Variants in ENOX1 observed in about 807,000 individuals in gnomAD.
The protein encoded by ENOX1 is candidate growth-related and time keeping constitutive hydroquinone (NADH) oxidase.
A neutral mutation model predicts 82.5 loss-of-function variants in ENOX1; 42 were observed. The ratio of observed to expected loss-of-function variants is 0.51; its 90% CI spans 0.40 to 0.66. ENOX1 has a LOEUF of 0.66. ENOX1 is among the 30% of genes least tolerant of loss of function. The pLI is 0.00. For synonymous variants in ENOX1, 271 were observed against 282.2 expected (o/e 0.96, Z 0.40); for missense variants, 608 against 811.6 (o/e 0.75, Z 3.05).
At chr13:43,300,252 G>A (rs2046498255) in intron 11 of ENOX1, among the ~76,000 whole-genome samples, 1 of 152,076 alleles carries the variant, frequency 6.6e-6, no homozygotes, top group African/African-American at 2.4e-5. Context: ...TTCTCTCAAA[G>A]AGCTTAATCT....
chr13:43,480,247 A>G (rs2058458154), intron 3 of ENOX1, among the ~76,000 whole-genome samples: 1 of 152,066 alleles, frequency 6.6e-6, no homozygotes, highest in Non-Finnish European at 1.5e-5. Context: ...CTGGTTACTA[A>G]ACATTCTAAA....
intron 3 of ENOX1, among the ~76,000 whole-genome samples, chr13:43,464,533 A>G (rs554403181): frequency 1.2e-4 from 18 of 152,144 alleles, no homozygotes; most frequent in Non-Finnish European, 1.0e-4. Context: ...GAGCTTTGCC[A>G]ATATCTGTTT....
chr13:43,763,164 G>T (rs1056006979), intron 1 of ENOX1, among the ~76,000 whole-genome samples: 5 of 152,194 alleles, frequency 3.3e-5, no homozygotes, highest in Admixed American at 1.3e-4. Flanking sequence ...GTTAGGCCTT[G>T]TCTATGTCTG....
At chr13:43,496,539 T>G (rs2076799844) in intron 2 of ENOX1, among the ~76,000 whole-genome samples, 1 of 151,992 alleles carries the variant, frequency 6.6e-6, no homozygotes, top group Admixed American at 6.6e-5. Flanking sequence ...TGCACCACCA[T>G]GCTCAGCTAC....
At chr13:43,633,250 T>C (rs995164391) in intron 2 of ENOX1, among the ~76,000 whole-genome samples, 25 of 152,194 alleles carry the variant, frequency 1.6e-4, no homozygotes, top group African/African-American at 6.0e-4. Context: ...ATGTTCAATG[T>C]TGATATAAAT....
At chr13:43,350,606 C>T (rs1423959147) in intron 8 of ENOX1, among the ~76,000 whole-genome samples, 5 of 152,118 alleles carry the variant, frequency 3.3e-5, no homozygotes, top group Non-Finnish European at 5.9e-5. Flanking sequence ...CCACCAGGCC[C>T]GGCTAATTTT....
intron 1 of ENOX1, among the ~76,000 whole-genome samples, chr13:43,752,553 T>C (rs1449107803): frequency 6.6e-6 from 1 of 152,240 alleles, no homozygotes. Context: ...TTTTTGTATA[T>C]ATTATAAAAT....
intron 9 of ENOX1, among the ~76,000 whole-genome samples, chr13:43,339,007 C>A (rs1443349311): frequency 6.6e-6 from 1 of 152,064 alleles, no homozygotes; most frequent in African/African-American, 2.4e-5. Context: ...TAATTACAGC[C>A]CCCTGACACT....
intron 1 of ENOX1, among the ~76,000 whole-genome samples, chr13:43,695,500 T>C (rs967035684): frequency 6.8e-6 from 1 of 146,562 alleles, no homozygotes; most frequent in Non-Finnish European, 1.5e-5. Context: ...CAGGCTGAAG[T>C]GCAGTGGCGT....
At chr13:43,592,716 T>C (rs1462866094) in intron 2 of ENOX1, among the ~76,000 whole-genome samples, 1 of 152,182 alleles carries the variant, frequency 6.6e-6, no homozygotes, top group African/African-American at 2.4e-5. Context: ...GCTATATGAT[T>C]CAACTAAGCC....
At chr13:43,468,821 C>T (rs140790600) in intron 3 of ENOX1, among the ~76,000 whole-genome samples, 1 of 152,234 alleles carries the variant, frequency 6.6e-6, no homozygotes, top group East Asian at 1.9e-4. Flanking sequence ...GCATGTCTTA[C>T]ACTGCTTTTG....
intron 2 of ENOX1, among the ~76,000 whole-genome samples, chr13:43,622,180 C>G (rs1182233209): frequency 6.6e-6 from 1 of 152,192 alleles, no homozygotes; most frequent in Non-Finnish European, 1.5e-5. Flanking sequence ...TTGCATTGGG[C>G]TTCACCTTTC....
chr13:43,665,045 C>A lies in ENOX1; in HGVS notation c.-219+2434G>T, dbSNP rs145463728. ...GTAAATGATTCCACCTTCCTGGAGG[C>A]CTGGGCCTGACCCACACAGTCAATC... On this transcript the variant is annotated intron_variant, in intron 2 of 16. Transcript: ENST00000690772. Among the ~76,000 whole-genome samples the A allele has an allele frequency of 7.6e-3, 1,152 of 152,260 alleles. 5 individuals are homozygous for A. The highest frequency in any genetic ancestry group is 0.011 in the Non-Finnish European group (734 of 68,006).
At chr13:43,777,486 T>C (rs1951983863) in intron 1 of ENOX1, among the ~76,000 whole-genome samples, 2 of 152,168 alleles carry the variant, frequency 1.3e-5, no homozygotes, top group African/African-American at 4.8e-5. Context: ...CTGTACACTA[T>C]AGTTTTATAA....
At chr13:43,759,097 C>CTTTTTT (rs3044251) in intron 1 of ENOX1, among the ~76,000 whole-genome samples, 5 of 122,442 alleles carry the variant, frequency 4.1e-5, no homozygotes, top group Non-Finnish European at 4.8e-5. Context: ...TGATAAGTTT[C>CTTTTTT]TTTTTTTTTT....
intron 14 of ENOX1, among the ~76,000 whole-genome samples, chr13:43,257,792 T>C (rs542471743): frequency 1.3e-5 from 2 of 152,340 alleles, no homozygotes; most frequent in South Asian, 4.1e-4. Flanking sequence ...ATCATGAACC[T>C]TTCTGGGGGA....
rs570749400 is a variant in ENOX1, at chr13:43,706,074, A to C, written c.-284-38530T>G. On this transcript the variant is annotated intron_variant, in intron 1 of 16. Coordinates refer to ENST00000690772, the MANE Select transcript of ENOX1 (RefSeq NM_001347969.2). ...AATCCATGGGTACAAAGAAATCATA[A>C]GTGAAATTAGAAAATATTTAGAACT... 1.6e-4 allele frequency among the ~76,000 whole-genome samples: 24 copies of C among 152,180 alleles called. No homozygotes were observed. The South Asian group carries it at 2.9e-3, about 18-fold the overall frequency.
At chr13:43,402,523 GCA>G (rs1365214206) in intron 5 of ENOX1, among the ~76,000 whole-genome samples, 1 of 152,216 alleles carries the variant, frequency 6.6e-6, no homozygotes, top group Non-Finnish European at 1.5e-5. Flanking sequence ...AAGAAGTCCA[GCA>G]CAGTCTGTTA....
At chr13:43,509,562 C>T (rs148196657) in intron 2 of ENOX1, among the ~76,000 whole-genome samples, 57 of 152,102 alleles carry the variant, frequency 3.7e-4, no homozygotes, top group African/African-American at 1.2e-3. Context: ...TGATGTAGCA[C>T]GAACTGGACT....
Sources: allele counts gnomAD v4.1 joint callset (sites outside exome capture counted in the v4.1 genomes callset), GRCh38; gene constraint gnomAD v4.1.1; transcripts MANE v1.5; gene names NCBI Gene and HGNC (gene_info 2026-07-23, HGNC 2026-07-21).